The following DNAJC3 variants were observed in gnomAD, a reference collection of about 807,000 sequenced individuals.
The protein encoded by DNAJC3 is dnaJ homolog subfamily C member 3.
In DNAJC3, 38 loss-of-function variants were observed where a neutral mutation model predicts 68.6. The ratio of observed to expected loss-of-function variants is 0.55; its 90% confidence interval spans 0.43 to 0.73. DNAJC3 has a LOEUF of 0.73. DNAJC3 is among the 30% of genes least tolerant of loss of function. DNAJC3 has a pLI of 0.00. For missense variants in DNAJC3, 526 were observed against 591.9 expected (o/e 0.89, Z 1.16); for synonymous variants, 203 against 204.0 (o/e 1.00, Z 0.04).
intron 1 of DNAJC3, among the ~76,000 whole-genome samples, chr13:95,701,706 A>T (rs1189288387): frequency 6.6e-6 from 1 of 152,192 alleles, no homozygotes; most frequent in Non-Finnish European, 1.5e-5. Flanking sequence ...AAGATAAAAA[A>T]TTATTTTTTC....
intron 4 of DNAJC3, among the ~76,000 whole-genome samples, chr13:95,756,600 A>G (rs1401736049): frequency 2.6e-5 from 4 of 152,164 alleles, no homozygotes; most frequent in Admixed American, 6.5e-5. Context: ...AAATTAATCC[A>G]CTGAAAGGAG....
Position 95,677,272 on chromosome 13 carries a change from C to T in DNAJC3, c.17C>T (p.Ser6Phe), listed in dbSNP as rs775848535. 11 of 1,602,918 alleles carry T rather than the reference C, an allele frequency of 6.9e-6. No homozygotes were observed. The highest frequency in any genetic ancestry group is 9.4e-6 in the Non-Finnish European group (11 of 1,175,812). MVAPG[S>F]VTSRLGSVFP... ...CCCTCGGACATGGTGGCCCCCGGCTCCGTGACCAGCCGGCTGGGCTCGGTA... is the reference window on the plus strand; with the variant it reads ...CCCTCGGACATGGTGGCCCCCGGCTTCGTGACCAGCCGGCTGGGCTCGGTA... Residue 6 changes from serine to phenylalanine, a missense_variant, in exon 1 of 12, where the codon TCC becomes TTC. Physicochemically the swap from Ser to Phe is radical, Grantham distance 155 (BLOSUM62 -2). Transcript: ENST00000602402.
At chr13:95,708,957 T>C (rs918539334) in intron 1 of DNAJC3, among the ~76,000 whole-genome samples, 1 of 152,234 alleles carries the variant, frequency 6.6e-6, no homozygotes, top group Admixed American at 6.5e-5. Flanking sequence ...TTTTTACTAC[T>C]TCTGCATTAC....
At chr13:95,689,874 T>C (rs1206234351) in intron 1 of DNAJC3, among the ~76,000 whole-genome samples, 1 of 152,218 alleles carries the variant, frequency 6.6e-6, no homozygotes, top group Non-Finnish European at 1.5e-5. Context: ...ATTCCGGTTG[T>C]TTACTTTTCA....
chr13:95,682,495 T>G (rs1379259884), intron 1 of DNAJC3, among the ~76,000 whole-genome samples: 1 of 152,170 alleles, frequency 6.6e-6, no homozygotes, highest in Non-Finnish European at 1.5e-5. Flanking sequence ...AAAAAATCCT[T>G]ATTTTCTGCT....
At position 95,757,696 on chromosome 13, in the gene DNAJC3, T is replaced by C. The variant is rs781222448; in HGVS notation, c.446T>C (p.Ile149Thr). The change falls in exon 5 of 12, where the codon ATA becomes ACA. Residue 149 changes from isoleucine to threonine, a missense_variant. By Grantham distance (89) the Ile-to-Thr change is moderately conservative. Transcript: ENST00000602402. ...GAAAAGGAAGCACAGTCTCAACTTA[T>C]AAAATCTGATGAAATGCAGCGTTTG... ...NEEKEAQSQL[I>T]KSDEMQRLRS... 5.5e-5 allele frequency: 88 copies of C among 1,586,148 alleles called. No homozygotes were observed. Among genetic ancestry groups the C allele is most frequent in the Admixed American group, 1.7e-5 (1 of 59,732 alleles).
chr13:95,677,488 G>T (rs1312841923), intron 1 of DNAJC3, 151 bp downstream of exon 1: 1 of 749,080 alleles, frequency 1.3e-6, no homozygotes, highest in Non-Finnish European at 2.0e-6. Context: ...CTGAGCCCGC[G>T]CCCGGTTCCG....
intron 9 of DNAJC3, among the ~76,000 whole-genome samples, chr13:95,775,008 CTATTGTTTTCTTTTTGTCCTTTTGT>C (rs1444979094): frequency 6.6e-6 from 1 of 152,130 alleles, no homozygotes; most frequent in Non-Finnish European, 1.5e-5. Context: ...TGCCATTTTA[CTATTGTTTTCTTTTTGTCCTTTTGT>C]TTTTGAATTT....
At chr13:95,742,541 C>T in intron 4 of DNAJC3, 1 of 429,006 alleles carries the variant, frequency 2.3e-6, no homozygotes, top group Non-Finnish European at 4.5e-6. Flanking sequence ...TGCTGGGGGT[C>T]ACTTACTTAC....
At chr13:95,677,449 G>A in intron 1 of DNAJC3, 112 bp downstream of exon 1, 1 of 1,101,588 alleles carries the variant, frequency 9.1e-7, no homozygotes, top group Non-Finnish European at 1.2e-6. Context: ...TGGGGCGAGC[G>A]CTGGGGGAGC....
At chr13:95,707,147 C>T (rs1880780347) in intron 1 of DNAJC3, among the ~76,000 whole-genome samples, 1 of 152,148 alleles carries the variant, frequency 6.6e-6, no homozygotes, top group African/African-American at 2.4e-5. Context: ...CCCTTGCATG[C>T]GCAATTGATG....
intron 7 of DNAJC3, among the ~76,000 whole-genome samples, chr13:95,763,089 C>G (rs1008917337): frequency 3.9e-5 from 6 of 152,128 alleles, no homozygotes; most frequent in African/African-American, 1.4e-4. Flanking sequence ...GTACTTTTTA[C>G]TGGTTTAAAG....
intron 9 of DNAJC3, among the ~76,000 whole-genome samples, chr13:95,782,541 T>G (rs1883484722): frequency 6.6e-6 from 1 of 152,250 alleles, no homozygotes; most frequent in Admixed American, 6.5e-5. Context: ...GATTTGCATT[T>G]CTCTAATGAC....
At chr13:95,753,265 C>G (rs1271384493) in intron 4 of DNAJC3, among the ~76,000 whole-genome samples, 3 of 152,156 alleles carry the variant, frequency 2.0e-5, no homozygotes, top group East Asian at 1.9e-4. Context: ...TGCTTTAATT[C>G]AGTCGCTCAC....
chr13:95,703,622 G>A (rs1236656136), intron 1 of DNAJC3, among the ~76,000 whole-genome samples: 1 of 152,166 alleles, frequency 6.6e-6, no homozygotes, highest in African/African-American at 2.4e-5. Flanking sequence ...TTAGTGCATA[G>A]GCAAATTCAC....
At chr13:95,698,523 T>A (rs1317178717) in intron 1 of DNAJC3, among the ~76,000 whole-genome samples, 4 of 152,244 alleles carry the variant, frequency 2.6e-5, no homozygotes, top group Admixed American at 2.6e-4. Flanking sequence ...ACTGGCTTCA[T>A]GTCCTGGACA....
chr13:95,723,863 G>T (rs1381762426), intron 3 of DNAJC3, among the ~76,000 whole-genome samples: 1 of 151,932 alleles, frequency 6.6e-6, no homozygotes, highest in African/African-American at 2.4e-5. Flanking sequence ...TTGTAGCCTA[G>T]TAGGAAATCC....
intron 4 of DNAJC3, among the ~76,000 whole-genome samples, chr13:95,755,223 A>G (rs943490731): frequency 6.6e-6 from 1 of 152,094 alleles, no homozygotes; most frequent in African/African-American, 2.4e-5. Context: ...AGACAGGAGG[A>G]TCACCTGAGG....
chr13:95,774,430 T>A (rs926889713), intron 9 of DNAJC3, among the ~76,000 whole-genome samples: 1 of 152,220 alleles, frequency 6.6e-6, no homozygotes, highest in African/African-American at 2.4e-5. Flanking sequence ...TAAATTTATT[T>A]AGGCTTGTTT....
Sources: gnomAD v4.1 joint callset for allele counts (sites outside exome capture counted in the v4.1 genomes callset) on GRCh38, gnomAD v4.1.1 for gene constraint, MANE v1.5 for transcripts, NCBI Gene and HGNC (gene_info 2026-07-23, HGNC 2026-07-21) for gene names.